NUFIP2: variants seen among roughly 807,000 people sequenced by gnomAD.
NUFIP2 encodes FMR1-interacting protein NUFIP2.
NUFIP2 carries 6 observed loss-of-function variants against 56.9 expected under a neutral mutation model. The observed-to-expected ratio is 0.11, with a 90% CI of 0.06 to 0.21. NUFIP2 has a LOEUF of 0.21. Ranked by LOEUF, NUFIP2 falls within the 10% of genes least tolerant of loss-of-function variation. The pLI, the probability that NUFIP2 is intolerant of heterozygous loss-of-function variation, is 1.00. For missense variants in NUFIP2, 828 were observed against 826.8 expected (o/e 1.00, Z -0.02); for synonymous variants, 321 against 298.2 (o/e 1.08, Z -0.79).
chr17:29,275,483 T>A (rs2069102238), intron 2 of NUFIP2, among the ~76,000 whole-genome samples: 1 of 152,134 alleles, frequency 6.6e-6, no homozygotes, highest in Non-Finnish European at 1.5e-5. Flanking sequence ...TAAGAGTGGG[T>A]AGAGTCAAGG....
intron 2 of NUFIP2, 54 bp from the exon 3 acceptor site, chr17:29,267,584 G>T: frequency 9.1e-7 from 1 of 1,102,130 alleles, no homozygotes; most frequent in Non-Finnish European, 1.3e-6. Context: ...AAAGTCTGAA[G>T]CGATGCTTTT....
chr17:29,276,604 C>T (rs2069110001), intron 2 of NUFIP2, among the ~76,000 whole-genome samples: 1 of 152,150 alleles, frequency 6.6e-6, no homozygotes, highest in South Asian at 2.1e-4. Context: ...TCCCAAAGTG[C>T]TGGGATTACA....
At chr17:29,266,599 A>G (rs2069038298) in intron 3 of NUFIP2, among the ~76,000 whole-genome samples, 1 of 151,980 alleles carries the variant, frequency 6.6e-6, no homozygotes, top group South Asian at 2.1e-4. Context: ...AGGCTCCTAT[A>G]ACAGCTAATA....
intron 2 of NUFIP2, among the ~76,000 whole-genome samples, chr17:29,277,463 CTTA>C (rs1372325299): frequency 2.6e-5 from 4 of 152,154 alleles, no homozygotes; most frequent in African/African-American, 4.8e-5. Context: ...CTTCCAATCC[CTTA>C]TTAAGCCATT....
At chr17:29,274,270 G>A (rs1475176472) in intron 2 of NUFIP2, among the ~76,000 whole-genome samples, 1 of 152,202 alleles carries the variant, frequency 6.6e-6, no homozygotes, top group Non-Finnish European at 1.5e-5. Context: ...GATCACTTGA[G>A]ACCAGCCTTA....
chr17:29,287,037 G>A lies in NUFIP2; in HGVS notation c.957C>T (p.Pro319=). The change falls in exon 2 of 4, where the codon CCC becomes CCT. Residue 319 remains proline, a synonymous_variant. Coordinates refer to ENST00000225388, the MANE Select transcript of NUFIP2 (RefSeq NM_020772.3). Reference sequence around the variant, plus strand: ...CAACAGCTGAAGCATGCTTTCCTTTGGGCCGATCATCAAACTTTTTGCTGC... The same window carrying A: ...CAACAGCTGAAGCATGCTTTCCTTTAGGCCGATCATCAAACTTTTTGCTGC... ...GVSSKKFDDR[P]KGKHASAVAS... 6.2e-7 allele frequency: 1 copy of A among 1,614,100 alleles called. No homozygotes were observed. Among genetic ancestry groups the A allele is most frequent in the Non-Finnish European group, 8.5e-7 (1 of 1,180,028 alleles).
intron 2 of NUFIP2, among the ~76,000 whole-genome samples, chr17:29,276,481 C>T (rs1307622097): frequency 3.3e-5 from 5 of 151,782 alleles, no homozygotes; most frequent in East Asian, 1.9e-4. Context: ...TACAGGCACG[C>T]GCCACCATGC....
rs71135888 is a variant in NUFIP2 at position 29,276,029 on chromosome 17, AATAT to A, written c.2003-8503_2003-8500del. 2.5e-4 allele frequency among the ~76,000 whole-genome samples: 34 copies of A among 138,178 alleles called. 1 individual carries two copies. The highest frequency in any genetic ancestry group is 8.7e-4 in the African/African-American group (31 of 35,782). The allele number at this position is 138,178 out of a possible 152,430, so 90.7% of individuals were successfully genotyped here. On this transcript the variant is annotated intron_variant, in intron 2 of 3. Transcript: ENST00000225388. Reference sequence around the variant, plus strand: ...GGTGACAGAGTAAGACTCCGTCTCAAATATATATATATATATATATCTGAAAGTG... The same window carrying A: ...GGTGACAGAGTAAGACTCCGTCTCAAATATATATATATATATCTGAAAGTG...
At position 29,259,712 on chromosome 17, in the gene NUFIP2, T is replaced by C. The variant is rs539354703; in HGVS notation, c.*4827A>G. 6.6e-6 allele frequency: 1 copy of C among 152,122 alleles called. No individual in the cohort carries two copies. Among genetic ancestry groups the C allele is most frequent in the East Asian group, 1.9e-4 (1 of 5,180 alleles). 9.4% of individuals were successfully genotyped at this position (152,122 alleles called of 1,614,324 possible). A position where few individuals can be genotyped will look rare whatever the true frequency, so the allele number is the denominator to read the frequency against. On this transcript the variant is annotated 3_prime_UTR_variant, in exon 4 of 4. Coordinates refer to ENST00000225388, the MANE Select transcript of NUFIP2 (RefSeq NM_020772.3). ...ATCACATATGAGGACGGCCATTCCA[T>C]AGTTTCTAGCCCATAACTGATTTAC...
chr17:29,280,497 CAGA>C (rs1292346901), intron 2 of NUFIP2, among the ~76,000 whole-genome samples: 1 of 151,654 alleles, frequency 6.6e-6, no homozygotes, highest in Admixed American at 6.6e-5. Flanking sequence ...GAGGCTGAAG[CAGA>C]AGGATCACTT....
intron 2 of NUFIP2, among the ~76,000 whole-genome samples, chr17:29,272,290 G>C (rs1025053039): frequency 6.7e-6 from 1 of 149,738 alleles, no homozygotes; most frequent in Non-Finnish European, 1.5e-5. Context: ...ACCCAGGCTG[G>C]AGTGCAGTGG....
At chr17:29,264,875 A>T (rs2069025252) in intron 3 of NUFIP2, among the ~76,000 whole-genome samples, 1 of 152,210 alleles carries the variant, frequency 6.6e-6, no homozygotes, top group African/African-American at 2.4e-5. Flanking sequence ...GGTTTTATGT[A>T]CTTCTACTGA....
chr17:29,289,543 C>T (rs775900479), intron 1 of NUFIP2, among the ~76,000 whole-genome samples: 17 of 152,030 alleles, frequency 1.1e-4, no homozygotes, highest in Non-Finnish European at 2.2e-4. Context: ...AGTGAGCCCA[C>T]ATTGGGCCAC....
intron 1 of NUFIP2, among the ~76,000 whole-genome samples, chr17:29,288,170 A>C (rs2069189673): frequency 6.6e-6 from 1 of 152,222 alleles, no homozygotes; most frequent in Non-Finnish European, 1.5e-5. Flanking sequence ...CAGCCTCCAG[A>C]GTAGCTGGGA....
chr17:29,286,354 T>C lies in NUFIP2; in HGVS notation c.1640A>G (p.Gln547Arg). 7 of 1,614,204 alleles carry C rather than the reference T, an allele frequency of 4.3e-6. No individual in the cohort carries two copies. The highest frequency in any genetic ancestry group is 5.9e-6 in the Non-Finnish European group (7 of 1,180,038). ...QGEYPATLVS[Q>R]GAEIIPSGTE... ...TCCTGAGGGAATTATTTCAGCACCC[T>C]GTGAAACCAAAGTAGCAGGATATTC... Residue 547 changes from glutamine to arginine, a missense_variant, in exon 2 of 4, where the codon CAG (glutamine) becomes CGG (arginine). By Grantham distance (43) the Gln-to-Arg change is conservative (BLOSUM62 1). Around this residue, in one of 3 missense-constraint regions of NUFIP2, gnomAD observed 404 missense variants for 380.3 expected, o/e 1.06. Transcript: ENST00000225388.
At chr17:29,292,199 C>T (rs2069218481) in intron 1 of NUFIP2, among the ~76,000 whole-genome samples, 1 of 152,058 alleles carries the variant, frequency 6.6e-6, no homozygotes, top group African/African-American at 2.4e-5. Context: ...CTTTTTAACA[C>T]GGAGAGAAGC....
chr17:29,285,145 C>G lies in NUFIP2; in HGVS notation c.2002+847G>C, dbSNP rs576013370. ...GGGAAACCCGTGTCTACTGAAAATA[C>G]AAAAATTAGCTGGGCGTGGTGGCGC... On this transcript the variant is annotated intron_variant, in intron 2 of 3. Transcript: ENST00000225388. Among the ~76,000 whole-genome samples, 295 of 151,884 alleles carry G rather than the reference C, an allele frequency of 1.9e-3. 1 individual carries two copies. The highest frequency in any genetic ancestry group is 6.9e-3 in the African/African-American group (285 of 41,394).
At chr17:29,293,123 C>A (rs1165899111) in intron 1 of NUFIP2, among the ~76,000 whole-genome samples, 10 of 150,718 alleles carry the variant, frequency 6.6e-5, no homozygotes, top group Non-Finnish European at 1.3e-4. Context: ...CTGGGGGGAG[C>A]GGGCGCGGGG....
In NUFIP2 at chr17:29,293,695, C is replaced by T; in HGVS notation, c.277+88G>A. 6 of 1,376,820 alleles carry T rather than the reference C, an allele frequency of 4.4e-6. No homozygotes were observed. The South Asian group carries it at 8.9e-5, about 21-fold the overall frequency. 85.3% of individuals were successfully genotyped at this position (1,376,820 alleles called of 1,614,324 possible). A position where few individuals can be genotyped will look rare whatever the true frequency, so the allele number is the denominator to read the frequency against. Reference sequence around the variant, plus strand: ...GACACACACACACACACCCCGACCCCGTCCGCGCTTTTCGGATCCAGCCCC... The same window carrying T: ...GACACACACACACACACCCCGACCCTGTCCGCGCTTTTCGGATCCAGCCCC... On this transcript the variant is annotated intron_variant, in intron 1 of 3. Transcript: ENST00000225388.
Sources: allele counts gnomAD v4.1 joint callset (sites outside exome capture counted in the v4.1 genomes callset), GRCh38; gene constraint gnomAD v4.1.1; regional missense constraint gnomAD v4.1.1; transcripts MANE v1.5; gene names NCBI Gene and HGNC (gene_info 2026-07-23, HGNC 2026-07-21).